BASP1: variants seen among roughly 807,000 people sequenced by gnomAD.
BASP1 encodes the protein brain abundant membrane attached signal protein 1, also known as brain acid soluble protein 1.
In BASP1, 1 loss-of-function variant was observed where a neutral mutation model predicts 2.2. The ratio of observed to expected loss-of-function variants is 0.46; its 90% CI spans 0.16 to 2.17. The LOEUF is 2.17. BASP1 is among the 30% of genes most tolerant of loss of function. The probability of loss-of-function intolerance (pLI) is 0.27; values close to 1 mark genes in which losing one functional copy is unlikely to be tolerated. For missense variants in BASP1, 352 were observed against 327.2 expected (o/e 1.08, Z -0.58); for synonymous variants, 187 against 154.2 (o/e 1.21, Z -1.58).
chr5:17,259,161 A>G (rs1245707945), intron 1 of BASP1, among the ~76,000 whole-genome samples: 2 of 152,196 alleles, frequency 1.3e-5, no homozygotes, highest in African/African-American at 4.8e-5. Context: ...AAAGGCAAGG[A>G]TGAGCAAGTC....
At chr5:17,259,291 GC>G (rs1218008736) in intron 1 of BASP1, among the ~76,000 whole-genome samples, 3 of 152,116 alleles carry the variant, frequency 2.0e-5, no homozygotes, top group Non-Finnish European at 4.4e-5. Flanking sequence ...GGAAAGACCT[GC>G]CCCCATAATT....
intron 1 of BASP1, among the ~76,000 whole-genome samples, chr5:17,238,795 C>G (rs1279618583): frequency 6.6e-6 from 1 of 152,126 alleles, no homozygotes; most frequent in Non-Finnish European, 1.5e-5. Context: ...TGATATGACT[C>G]CATGCGTTTT....
chr5:17,249,946 TTC>T (rs1435925769), intron 1 of BASP1, among the ~76,000 whole-genome samples: 3 of 151,090 alleles, frequency 2.0e-5, no homozygotes, highest in African/African-American at 7.4e-5. Context: ...TAATTTTTTT[TTC>T]TTCTTGTTTT....
At chr5:17,249,638 A>T (rs1740062377) in intron 1 of BASP1, among the ~76,000 whole-genome samples, 1 of 152,332 alleles carries the variant, frequency 6.6e-6, no homozygotes, top group East Asian at 1.9e-4. Context: ...ACCAAAATAC[A>T]AAAAAGACCT....
intron 1 of BASP1, among the ~76,000 whole-genome samples, chr5:17,224,925 G>A (rs774787109): frequency 1.3e-5 from 2 of 152,178 alleles, no homozygotes; most frequent in African/African-American, 2.4e-5. Flanking sequence ...GTTTTGTTCC[G>A]CGTCCACGCA....
rs1740286039 is a variant in BASP1, at chr5:17,260,003, A to T, written c.-9-15205A>T. On this transcript the variant is annotated intron_variant, in intron 1 of 1. Transcript: ENST00000322611. This position sits in a 1 kb window ranked among gnomAD's most constrained non-coding sequence, Gnocchi z 4.2. ...TACAGAAATGATCTCTGCAGTTTGC[A>T]TTTCCTGAGCGGGTTGTGGTTCACT... 6.6e-6 allele frequency among the ~76,000 whole-genome samples: 1 copy of T among 152,212 alleles called. No homozygotes were observed. Among genetic ancestry groups the T allele is most frequent in the Non-Finnish European group, 1.5e-5 (1 of 68,034 alleles).
At chr5:17,254,309 T>C (rs1445596238) in intron 1 of BASP1, among the ~76,000 whole-genome samples, 1 of 152,220 alleles carries the variant, frequency 6.6e-6, no homozygotes, top group Non-Finnish European at 1.5e-5. Context: ...TTAAAGTGCC[T>C]GTTCCTTTCC....
At chr5:17,256,412 G>A (rs1469897454) in intron 1 of BASP1, among the ~76,000 whole-genome samples, 2 of 152,122 alleles carry the variant, frequency 1.3e-5, no homozygotes, top group Non-Finnish European at 2.9e-5. Context: ...GTCGACCTTT[G>A]GGTGCCCTGC....
At position 17,275,967 on chromosome 5, in the gene BASP1, C is replaced by G. The variant is rs1035046332; in HGVS notation, c.*67C>G. 3.4e-6 allele frequency: 4 copies of G among 1,184,786 alleles called. No individual in the cohort carries two copies. Among genetic ancestry groups the G allele is most frequent in the African/African-American group, 3.4e-5 (2 of 59,642 alleles). The allele number at this position is 1,184,786 out of a possible 1,614,324, so 73.4% of individuals were successfully genotyped here. On this transcript the variant is annotated 3_prime_UTR_variant, in exon 2 of 2. Coordinates refer to ENST00000322611, the MANE Select transcript of BASP1 (RefSeq NM_006317.5). This position sits in a 1 kb window ranked among gnomAD's most constrained non-coding sequence, Gnocchi z 5.3. ...CTCCTCTCTCTCTCTCTCTCTCTCT[C>G]TCTATCTCTCTCTCTATCTCCTCTC... is the stretch of plus-strand genomic sequence containing the variant.
At chr5:17,254,425 A>G (rs142236421) in intron 1 of BASP1, among the ~76,000 whole-genome samples, 4 of 152,200 alleles carry the variant, frequency 2.6e-5, no homozygotes, top group Non-Finnish European at 4.4e-5. Context: ...TCAAGATTCC[A>G]TAATTCCAAG....
intron 1 of BASP1, among the ~76,000 whole-genome samples, chr5:17,262,080 C>T (rs1342053618): frequency 6.6e-6 from 1 of 152,142 alleles, no homozygotes; most frequent in Non-Finnish European, 1.5e-5. Flanking sequence ...TTTTTTGAGA[C>T]ATCATCTTTT....
intron 1 of BASP1, among the ~76,000 whole-genome samples, chr5:17,227,118 A>C (rs553580741): frequency 6.0e-5 from 9 of 151,162 alleles, no homozygotes; most frequent in Admixed American, 6.0e-4. Flanking sequence ...TTTAGTAGAG[A>C]CAAGGTTTCA....
rs891035717 is a variant in BASP1, at chr5:17,275,548, C to T, written c.332C>T (p.Pro111Leu). 5 of 1,404,852 alleles carry T rather than the reference C, an allele frequency of 3.6e-6. No individual in the cohort carries two copies. In the African/African-American group the frequency reaches 6.2e-5, roughly 17 times the overall value. The allele number at this position is 1,404,852 out of a possible 1,614,324, so 87.0% of individuals were successfully genotyped here. A position where few individuals can be genotyped will look rare whatever the true frequency, so the allele number is the denominator to read the frequency against. ...PKAPEQEQAAPGPAAGGEAPK... is the reference protein window; with the variant it reads ...PKAPEQEQAALGPAAGGEAPK... ...GCGCCCGAGCAGGAGCAGGCGGCCC[C>T]CGGCCCCGCTGCGGGCGGCGAGGCC... Residue 111 changes from proline to leucine, a missense_variant, in exon 2 of 2, where the codon CCC becomes CTC. Transcript: ENST00000322611. The surrounding 1 kb of genome is among the most constrained non-coding windows in gnomAD (Gnocchi z 5.3).
intron 1 of BASP1, among the ~76,000 whole-genome samples, chr5:17,257,087 C>T (rs556582414): frequency 1.5e-3 from 222 of 152,180 alleles, no homozygotes; most frequent in Non-Finnish European, 2.7e-3. Context: ...ACTTAGAACA[C>T]ATTTTGAGGC....
chr5:17,259,317 G>A (rs957680809), intron 1 of BASP1, among the ~76,000 whole-genome samples: 4 of 152,124 alleles, frequency 2.6e-5, no homozygotes, highest in African/African-American at 7.2e-5. Flanking sequence ...CACCTCCCAC[G>A]GGGTTCCTCC....
At chr5:17,246,219 C>T (rs377547940) in intron 1 of BASP1, among the ~76,000 whole-genome samples, 3 of 151,940 alleles carry the variant, frequency 2.0e-5, no homozygotes, top group Admixed American at 1.3e-4. Context: ...CGGTGGCTCA[C>T]GCCTGTAATC....
At chr5:17,259,942 T>A (rs1200388815) in intron 1 of BASP1, among the ~76,000 whole-genome samples, 3 of 152,228 alleles carry the variant, frequency 2.0e-5, no homozygotes, top group African/African-American at 7.2e-5. Context: ...GGTGATATGA[T>A]CTATTAGTTT....
At chr5:17,247,463 GTTA>G (rs1740018101) in intron 1 of BASP1, among the ~76,000 whole-genome samples, 1 of 152,220 alleles carries the variant, frequency 6.6e-6, no homozygotes, top group Non-Finnish European at 1.5e-5. Context: ...ACCCATCAGT[GTTA>G]TTATGCCTTC....
chr5:17,222,039 T>C (rs1176983557), intron 1 of BASP1, among the ~76,000 whole-genome samples: 1 of 152,080 alleles, frequency 6.6e-6, no homozygotes, highest in Non-Finnish European at 1.5e-5. Flanking sequence ...CAACTGAAAG[T>C]GTCAATCAAC....
Sources: gnomAD v4.1 joint callset for allele counts (sites outside exome capture counted in the v4.1 genomes callset) on GRCh38, gnomAD v4.1.1 for gene constraint, Gnocchi (gnomAD v3.1) non-coding constraint, MANE v1.5 for transcripts, NCBI Gene and HGNC (gene_info 2026-07-23, HGNC 2026-07-21) for gene names.